Variants in GRIA1 observed in about 807,000 individuals in gnomAD.
GRIA1 encodes glutamate ionotropic receptor AMPA type subunit 1.
Under a neutral mutation model 99.2 loss-of-function variants are expected in GRIA1, and 31 were observed. That is an observed-to-expected ratio of 0.31 (90% CI 0.23 to 0.42). The LOEUF is 0.42. Among genes scored for constraint, GRIA1 ranks in the 10% least tolerant of loss-of-function variants. GRIA1 has a pLI of 1.00. For synonymous variants in GRIA1, 438 were observed against 432.4 expected, an observed-to-expected ratio of 1.01 and a Z score of -0.16; for missense variants, 782 against 1,157.5, an observed-to-expected ratio of 0.68 and a Z score of 4.71.
chr5:153,502,056 G>T (rs1452357401), intron 2 of GRIA1, among the ~76,000 whole-genome samples: 1 of 152,148 alleles, frequency 6.6e-6, no homozygotes, highest in East Asian at 1.9e-4. Context: ...CTGTCCTTCT[G>T]GTCAGCCCTA....
intron 2 of GRIA1, among the ~76,000 whole-genome samples, chr5:153,607,065 A>ATATATATATATATATG (rs1349350277): frequency 1.0e-4 from 15 of 147,394 alleles, no homozygotes; most frequent in African/African-American, 3.5e-4. Flanking sequence ...ATATATATAT[A>ATATATATATATATATG]TATAATCACA....
At position 153,698,124 on chromosome 5, in the gene GRIA1, G is replaced by T; in HGVS notation, c.1215G>T (p.Gln405His). Residue 405 changes from glutamine to histidine, a missense_variant, in exon 9 of 16, where the codon CAG (glutamine) becomes CAT (histidine). Physicochemically the swap from Gln to His is conservative, Grantham distance 24 (BLOSUM62 0). Around this residue, in one of 5 missense-constraint regions of GRIA1, gnomAD observed 461 missense variants for 521.7 expected, o/e 0.88. Transcript: ENST00000285900. ...AQAGGDNSSV[Q>H]NRTYIVTTIL... ...CTGGGGGCGATAATTCAAGTGTTCAGAACAGAACATACATCGTCACAACAA... is the reference window on the plus strand; with the variant it reads ...CTGGGGGCGATAATTCAAGTGTTCATAACAGAACATACATCGTCACAACAA... The T allele has an allele frequency of 6.2e-7, 1 of 1,605,502 alleles. No individual in the cohort carries two copies. The highest frequency in any genetic ancestry group is 1.1e-5 in the South Asian group (1 of 90,924).
chr5:153,491,230 A>G, intron 1 of GRIA1: 1 of 1,323,612 alleles, frequency 7.6e-7, no homozygotes, highest in Non-Finnish European at 9.7e-7. Context: ...AAATGGAGGA[A>G]CCATCGCTTT....
At chr5:153,494,810 T>A (rs1196591155) in intron 2 of GRIA1, among the ~76,000 whole-genome samples, 2 of 152,172 alleles carry the variant, frequency 1.3e-5, no homozygotes, top group Non-Finnish European at 2.9e-5. Flanking sequence ...GATGAAAGCA[T>A]AAAAATTAAT....
At chr5:153,525,825 C>T (rs1257481790) in intron 2 of GRIA1, among the ~76,000 whole-genome samples, 1 of 152,144 alleles carries the variant, frequency 6.6e-6, no homozygotes, top group Non-Finnish European at 1.5e-5. Context: ...TCCTCATTTC[C>T]CTGGCTTGGT....
intron 6 of GRIA1, 53 bp downstream of exon 6, chr5:153,674,714 C>G: frequency 6.4e-7 from 1 of 1,565,772 alleles, no homozygotes; most frequent in Non-Finnish European, 8.7e-7. Flanking sequence ...CTTTGCCTGC[C>G]CCAGATTTCT....
chr5:153,568,455 T>A (rs1175472668), intron 2 of GRIA1, among the ~76,000 whole-genome samples: 1 of 152,174 alleles, frequency 6.6e-6, no homozygotes. Context: ...ACTGATCTAG[T>A]TTATCAAAAT....
At chr5:153,548,293 C>A (rs527359580) in intron 2 of GRIA1, among the ~76,000 whole-genome samples, 1 of 152,142 alleles carries the variant, frequency 6.6e-6, no homozygotes, top group African/African-American at 2.4e-5. Flanking sequence ...TCGTGAGCTC[C>A]GCATGGTCCT....
chr5:153,764,197 A>G (rs1763362848), intron 11 of GRIA1, among the ~76,000 whole-genome samples: 1 of 152,166 alleles, frequency 6.6e-6, no homozygotes, highest in African/African-American at 2.4e-5. Flanking sequence ...GAATACGTGC[A>G]TGTGGGCTTT....
At chr5:153,734,932 G>T (rs539777583) in intron 11 of GRIA1, among the ~76,000 whole-genome samples, 1 of 152,064 alleles carries the variant, frequency 6.6e-6, no homozygotes, top group African/African-American at 2.4e-5. Context: ...ATTTTTAAAG[G>T]ATCTCTCTCT....
intron 2 of GRIA1, among the ~76,000 whole-genome samples, chr5:153,631,687 G>A (rs1413270175): frequency 3.9e-5 from 6 of 152,152 alleles, no homozygotes; most frequent in African/African-American, 1.4e-4. Context: ...GTGCTTCACA[G>A]TGTTTTAAGT....
chr5:153,507,168 T>C (rs781723568), intron 2 of GRIA1, among the ~76,000 whole-genome samples: 2 of 152,108 alleles, frequency 1.3e-5, no homozygotes, highest in Non-Finnish European at 2.9e-5. Context: ...TCTATGTTGA[T>C]GTAATGAACC....
chr5:153,662,822 GCAGAGA>G (rs891734127), intron 5 of GRIA1, among the ~76,000 whole-genome samples: 6 of 152,296 alleles, frequency 3.9e-5, no homozygotes, highest in South Asian at 2.1e-4. Context: ...TGGGGCAGGA[GCAGAGA>G]CAGAGACAGA....
intron 2 of GRIA1, among the ~76,000 whole-genome samples, chr5:153,626,927 G>A (rs1341890490): frequency 6.6e-6 from 1 of 152,192 alleles, no homozygotes; most frequent in African/African-American, 2.4e-5. Flanking sequence ...TCCTGGAAAT[G>A]TCATTTCTAT....
chr5:153,720,680 A>G (rs1157018154), intron 11 of GRIA1, among the ~76,000 whole-genome samples: 2 of 152,172 alleles, frequency 1.3e-5, no homozygotes, highest in Non-Finnish European at 2.9e-5. Context: ...GCCTGGCTAG[A>G]CAAGGACAGG....
At chr5:153,586,297 A>C (rs1322364449) in intron 2 of GRIA1, among the ~76,000 whole-genome samples, 1 of 152,240 alleles carries the variant, frequency 6.6e-6, no homozygotes, top group Non-Finnish European at 1.5e-5. Flanking sequence ...GTAACTTAAT[A>C]AATAACTGTG....
At chr5:153,798,439 T>C (rs1432038234) in intron 14 of GRIA1, among the ~76,000 whole-genome samples, 1 of 152,240 alleles carries the variant, frequency 6.6e-6, no homozygotes, top group African/African-American at 2.4e-5. Context: ...GGAGGGCACG[T>C]AGGCTTCCCC....
At chr5:153,596,574 A>T (rs1764450262) in intron 2 of GRIA1, among the ~76,000 whole-genome samples, 1 of 152,124 alleles carries the variant, frequency 6.6e-6, no homozygotes, top group Admixed American at 6.5e-5. Flanking sequence ...TGGATCTAGA[A>T]CTCAGCACTC....
At chr5:153,784,000 G>A (rs1224671682) in intron 13 of GRIA1, among the ~76,000 whole-genome samples, 1 of 152,196 alleles carries the variant, frequency 6.6e-6, no homozygotes, top group East Asian at 1.9e-4. Flanking sequence ...GCAGAGGTGA[G>A]CTTTAGTTAT....
Sources: allele counts gnomAD v4.1 joint callset (sites outside exome capture counted in the v4.1 genomes callset), GRCh38; gene constraint gnomAD v4.1.1; regional missense constraint gnomAD v4.1.1; transcripts MANE v1.5; gene names NCBI Gene and HGNC (gene_info 2026-07-23, HGNC 2026-07-21).